The following EPHA6 variants were observed in gnomAD, a reference collection of about 807,000 sequenced individuals.
EPHA6 encodes the protein ephrin type-A receptor 6.
A neutral mutation model predicts 112.0 loss-of-function variants in EPHA6; 50 were observed. The observed-to-expected ratio is 0.45, with a 90% CI of 0.36 to 0.56. EPHA6 has a LOEUF of 0.56. Among genes scored for constraint, EPHA6 ranks in the 20% least tolerant of loss-of-function variants. EPHA6 has a pLI of 0.00. For missense variants in EPHA6, 1,280 were observed against 1,417.4 expected (o/e 0.90, Z 1.56); for synonymous variants, 529 against 490.7 (o/e 1.08, Z -1.03).
chr3:96,939,078 G>T (rs2040779747), intron 2 of EPHA6, among the ~76,000 whole-genome samples: 1 of 152,062 alleles, frequency 6.6e-6, no homozygotes, highest in Admixed American at 6.5e-5. Context: ...TTTTTTGGTT[G>T]TGTCTCTGCC....
At chr3:97,097,559 T>A (rs1023581582) in intron 3 of EPHA6, among the ~76,000 whole-genome samples, 93 of 151,678 alleles carry the variant, frequency 6.1e-4, no homozygotes, top group Admixed American at 1.4e-3. Context: ...CTTTTTTTTT[T>A]AAATGGAATA....
intron 5 of EPHA6, among the ~76,000 whole-genome samples, chr3:97,354,698 A>G (rs2083980256): frequency 6.6e-6 from 1 of 152,170 alleles, no homozygotes; most frequent in African/African-American, 2.4e-5. Flanking sequence ...TATTCAAACA[A>G]ATAATAATGG....
At chr3:97,319,868 G>A (rs1239214119) in intron 5 of EPHA6, among the ~76,000 whole-genome samples, 1 of 151,874 alleles carries the variant, frequency 6.6e-6, no homozygotes, top group Non-Finnish European at 1.5e-5. Flanking sequence ...TGAGTACAAA[G>A]TGCAACTCTA....
In EPHA6 at chr3:97,324,427, T is replaced by TTC. The variant is rs753634540; in HGVS notation, c.1606+80142_1606+80143dup. On this transcript the variant is annotated intron_variant, in intron 5 of 17. Coordinates refer to ENST00000389672, the MANE Select transcript of EPHA6 (RefSeq NM_001080448.3). ...TTCTTTTCTTTCTTTCTTTCTTTCT[T>TTC]TCTTTCTTTCTTTCTTTCTTTCTTT... Among the ~76,000 whole-genome samples the TTC allele has an allele frequency of 1.0e-4, 15 of 146,336 alleles. 1 individual carries two copies. The highest frequency in any genetic ancestry group is 3.8e-4 in the African/African-American group (15 of 39,234).
intron 2 of EPHA6, among the ~76,000 whole-genome samples, chr3:96,931,015 A>AG: frequency 7.1e-6 from 1 of 141,756 alleles, no homozygotes; most frequent in Admixed American, 7.6e-5. Flanking sequence ...AAAAAAAAAA[A>AG]AAAAAAGAAA....
At chr3:97,296,683 A>G (rs563056542) in intron 5 of EPHA6, among the ~76,000 whole-genome samples, 2 of 152,268 alleles carry the variant, frequency 1.3e-5, no homozygotes, top group African/African-American at 4.8e-5. Flanking sequence ...CAAGTGTACC[A>G]TGGCCCTGTT....
At chr3:96,858,519 A>G (rs750908503) in intron 1 of EPHA6, among the ~76,000 whole-genome samples, 94 of 152,232 alleles carry the variant, frequency 6.2e-4, no homozygotes, top group Non-Finnish European at 8.5e-4. Flanking sequence ...GTGTGTCGTG[A>G]TATTAGGTAT....
At chr3:97,280,045 T>C (rs2080233440) in intron 5 of EPHA6, among the ~76,000 whole-genome samples, 1 of 152,104 alleles carries the variant, frequency 6.6e-6, no homozygotes. Flanking sequence ...GCCACCAGTC[T>C]CATCTAATTT....
intron 13 of EPHA6, among the ~76,000 whole-genome samples, chr3:97,624,743 C>G (rs1456606473): frequency 6.6e-6 from 1 of 151,610 alleles, no homozygotes; most frequent in East Asian, 1.9e-4. Flanking sequence ...AGTTATAGGT[C>G]TATTCAGGTT....
intron 3 of EPHA6, among the ~76,000 whole-genome samples, chr3:96,989,628 T>C (rs1350582136): frequency 6.6e-6 from 1 of 152,032 alleles, no homozygotes; most frequent in East Asian, 1.9e-4. Context: ...TTCCACAGGC[T>C]TAACAGGAAG....
At chr3:97,256,804 A>G (rs2108610139) in intron 5 of EPHA6, among the ~76,000 whole-genome samples, 1 of 152,156 alleles carries the variant, frequency 6.6e-6, no homozygotes, top group South Asian at 2.1e-4. Flanking sequence ...CAGTTGTTAC[A>G]TAAATATGAA....
At chr3:97,357,505 C>A (rs1388749568) in intron 5 of EPHA6, among the ~76,000 whole-genome samples, 1 of 152,094 alleles carries the variant, frequency 6.6e-6, no homozygotes, top group Non-Finnish European at 1.5e-5. Context: ...CCCAACTAGA[C>A]AATGTATAGT....
chr3:97,010,717 G>A (rs976143921), intron 3 of EPHA6, among the ~76,000 whole-genome samples: 5 of 152,016 alleles, frequency 3.3e-5, no homozygotes, highest in African/African-American at 7.3e-5. Flanking sequence ...CTGGAGTGCG[G>A]TAGCGATCTC....
chr3:96,874,187 C>A (rs901203689), intron 2 of EPHA6, among the ~76,000 whole-genome samples: 1 of 152,008 alleles, frequency 6.6e-6, no homozygotes, highest in Non-Finnish European at 1.5e-5. Context: ...GTTAGAAAGA[C>A]CGATTTTGTT....
chr3:97,004,272 C>G (rs1348955060), intron 3 of EPHA6, among the ~76,000 whole-genome samples: 1 of 152,078 alleles, frequency 6.6e-6, no homozygotes, highest in Admixed American at 6.6e-5. Flanking sequence ...GATGTAAAAG[C>G]ATTCCTATTT....
intron 3 of EPHA6, among the ~76,000 whole-genome samples, chr3:97,157,272 T>C (rs2076310578): frequency 6.6e-6 from 1 of 152,138 alleles, no homozygotes; most frequent in Non-Finnish European, 1.5e-5. Flanking sequence ...CTTATTAAAG[T>C]TTCCAAATGG....
At chr3:97,386,321 A>G (rs964419596) in intron 5 of EPHA6, among the ~76,000 whole-genome samples, 1 of 152,190 alleles carries the variant, frequency 6.6e-6, no homozygotes, top group African/African-American at 2.4e-5. Flanking sequence ...AGAATGGACT[A>G]ATACAGAAAA....
intron 3 of EPHA6, among the ~76,000 whole-genome samples, chr3:97,130,044 G>C (rs2048296542): frequency 6.6e-6 from 1 of 152,078 alleles, no homozygotes; most frequent in Non-Finnish European, 1.5e-5. Flanking sequence ...AACTAAAATG[G>C]AACTTCAAGG....
chr3:97,448,500 G>T, intron 6 of EPHA6, 68 bp from the exon 7 acceptor site: 2 of 1,512,082 alleles, frequency 1.3e-6, no homozygotes, highest in South Asian at 1.1e-5. Context: ...GTTAAACTTT[G>T]GAATGTTTCT....
Sources: allele counts gnomAD v4.1 joint callset (sites outside exome capture counted in the v4.1 genomes callset), GRCh38; gene constraint gnomAD v4.1.1; transcripts MANE v1.5; gene names NCBI Gene and HGNC (gene_info 2026-07-23, HGNC 2026-07-21).